The following STEEP1 variants were observed in gnomAD, a reference collection of about 807,000 sequenced individuals.
STEEP1 encodes STING1 ER exit protein 1.
A neutral mutation model predicts 19.2 loss-of-function variants in STEEP1; 3 were observed. That is an observed-to-expected ratio of 0.16 (90% CI 0.07 to 0.40). The LOEUF is 0.40. Among genes scored for constraint, STEEP1 ranks in the 10% least tolerant of loss-of-function variants. The pLI, the probability that STEEP1 is intolerant of heterozygous loss-of-function variation, is 0.99. For missense variants in STEEP1, 54 were observed against 177.1 expected (o/e 0.30, Z 3.94); for synonymous variants, 46 against 63.7 (o/e 0.72, Z 1.32).
chrX:119,555,805 G>A (rs1279151851), intron 2 of STEEP1, among the ~76,000 whole-genome samples: 1 of 111,214 alleles, frequency 9.0e-6, no homozygotes, highest in African/African-American at 3.3e-5. Flanking sequence ...TGCAGGGGAT[G>A]ATGGTGGGAT....
At chrX:119,564,235 G>A (rs1384748025) in intron 1 of STEEP1, among the ~76,000 whole-genome samples, 1 of 111,797 alleles carries the variant, frequency 8.9e-6, no homozygotes, top group Non-Finnish European at 1.9e-5. Context: ...GGTGGCTCAC[G>A]CCTGTAATCC....
intron 2 of STEEP1, among the ~76,000 whole-genome samples, chrX:119,548,532 C>CAAAAAAAAAAAAAAAAAA (rs59210283): frequency 2.1e-5 from 1 of 47,982 alleles, no homozygotes; most frequent in Non-Finnish European, 3.6e-5. Flanking sequence ...GACTCTGTCT[C>CAAAAAAAAAAAAAAAAAA]AAAAAAAAAA....
At chrX:119,561,009 C>A (rs373364761) in intron 1 of STEEP1, among the ~76,000 whole-genome samples, 603 of 80,331 alleles carry the variant, frequency 7.5e-3, no homozygotes, top group Non-Finnish European at 7.9e-3. Flanking sequence ...CTCTGTTTTA[C>A]AAAAAAAAAA....
At chrX:119,559,723 C>T (rs1036413879) in intron 2 of STEEP1, among the ~76,000 whole-genome samples, 2 of 112,078 alleles carry the variant, frequency 1.8e-5, no homozygotes, top group African/African-American at 6.5e-5. Context: ...TCATTCAAAC[C>T]TGTAAATTGT....
intron 1 of STEEP1, among the ~76,000 whole-genome samples, chrX:119,563,668 C>CCACAG (rs1436133401): frequency 1.8e-5 from 2 of 111,538 alleles, no homozygotes; most frequent in African/African-American, 6.5e-5. Context: ...TGAGACCGCG[C>CCACAG]CACAGCACTC....
In STEEP1 at chrX:119,561,165, G is replaced by A. The variant is rs757672967; in HGVS notation, c.125-780C>T. Among the ~76,000 whole-genome samples the A allele has an allele frequency of 5.4e-5, 6 of 110,274 alleles. No individual in the cohort carries two copies. The East Asian group carries it at 1.7e-3, about 31-fold the overall frequency. On this transcript the variant is annotated intron_variant, in intron 1 of 6. Coordinates refer to ENST00000644802, the MANE Select transcript of STEEP1 (RefSeq NM_022101.4). ...GAGGCGAGAGAATTGCTTGAACCCA[G>A]GAGGTGGAGGTTGCAGTGAGCCAAT... is the stretch of plus-strand genomic sequence containing the variant.
chrX:119,545,803 G>T (rs1226191249), intron 2 of STEEP1, among the ~76,000 whole-genome samples: 1 of 106,955 alleles, frequency 9.3e-6, no homozygotes, highest in Non-Finnish European at 1.9e-5. Context: ...TGAGGCAGGA[G>T]AATTGCTTGA....
At chrX:119,557,320 G>C (rs746507463) in intron 2 of STEEP1, among the ~76,000 whole-genome samples, 2 of 107,370 alleles carry the variant, frequency 1.9e-5, no homozygotes, top group African/African-American at 6.8e-5. Context: ...CATTCTGGCC[G>C]GGCACAGTGG....
intron 1 of STEEP1, among the ~76,000 whole-genome samples, chrX:119,561,616 C>A (rs1200075717): frequency 9.1e-6 from 1 of 109,729 alleles, no homozygotes; most frequent in Non-Finnish European, 1.9e-5. Flanking sequence ...TTGCAGTGAG[C>A]TGGGATCACA....
intron 2 of STEEP1, among the ~76,000 whole-genome samples, chrX:119,558,917 G>A (rs1052643794): frequency 1.1e-4 from 12 of 110,633 alleles, no homozygotes; most frequent in African/African-American, 3.9e-4. Context: ...TCACACCCCT[G>A]CTTAAAAAAC....
chrX:119,539,520 G>A lies in STEEP1; in HGVS notation c.*207C>T. On this transcript the variant is annotated 3_prime_UTR_variant, in exon 7 of 7. Coordinates refer to ENST00000644802, the MANE Select transcript of STEEP1 (RefSeq NM_022101.4). Reference sequence around the variant, plus strand: ...CACTCCATCCTGGGCGAAAGAGCAAGACTTTATCTCAAAAAAAAAAAAAAA... The same window carrying A: ...CACTCCATCCTGGGCGAAAGAGCAAAACTTTATCTCAAAAAAAAAAAAAAA... The A allele has an allele frequency of 3.2e-6, 1 of 315,516 alleles. No homozygotes were observed. Among genetic ancestry groups the A allele is most frequent in the Non-Finnish European group, 5.3e-6 (1 of 189,648 alleles). 26.0% of individuals were successfully genotyped at this position (315,516 alleles called of 1,213,427 possible). A position where few individuals can be genotyped will look rare whatever the true frequency, so the allele number is the denominator to read the frequency against.
chrX:119,543,541 G>A lies in STEEP1; in HGVS notation c.423+812C>T, dbSNP rs745398221. 1.0e-4 allele frequency among the ~76,000 whole-genome samples: 11 copies of A among 110,426 alleles called. No homozygotes were observed. The South Asian group carries it at 4.2e-3, about 43-fold the overall frequency. Reference sequence around the variant, plus strand: ...ACTGTCACCCAGGCTGGAGTGCAGTGGCACAATCATAGCTGACTGTAACCT... The same window carrying A: ...ACTGTCACCCAGGCTGGAGTGCAGTAGCACAATCATAGCTGACTGTAACCT... On this transcript the variant is annotated intron_variant, in intron 4 of 6. Transcript: ENST00000644802.
chrX:119,547,473 G>T (rs985668426), intron 2 of STEEP1, among the ~76,000 whole-genome samples: 2 of 112,103 alleles, frequency 1.8e-5, no homozygotes, highest in African/African-American at 6.5e-5. Context: ...TGTGAAAAAT[G>T]GAATCTTTTA....
At position 119,562,899 on chromosome X, in the gene STEEP1, GAAGT is replaced by G. The variant is rs2053330232; in HGVS notation, c.124+2329_124+2332del. ...ATTACATTTTAGCAGAGACCTGAAT[GAAGT>G]AAGGGAGGGATTGAGGGAAAAGTTT... On this transcript the variant is annotated intron_variant, in intron 1 of 6. Coordinates refer to ENST00000644802, the MANE Select transcript of STEEP1 (RefSeq NM_022101.4). Among the ~76,000 whole-genome samples the G allele has an allele frequency of 2.7e-5, 3 of 111,587 alleles. No homozygotes were observed. The Middle Eastern group carries it at 0.014, about 517-fold the overall frequency.
intron 5 of STEEP1, among the ~76,000 whole-genome samples, chrX:119,542,055 C>CTTTTTTTTTTTTTTTTTTTTTT (rs201339708): frequency 2.4e-5 from 2 of 82,926 alleles, no homozygotes; most frequent in Non-Finnish European, 4.6e-5. Flanking sequence ...CTTTTCTTTT[C>CTTTTTTTTTTTTTTTTTTTTTT]TTTTTTTTTT....
At position 119,561,144 on chromosome X, in the gene STEEP1, C is replaced by T. The variant is rs777948122; in HGVS notation, c.125-759G>A. 7.9e-4 allele frequency among the ~76,000 whole-genome samples: 86 copies of T among 108,300 alleles called. 1 individual carries two copies. Among genetic ancestry groups the T allele is most frequent in the African/African-American group, 2.6e-3 (76 of 29,625 alleles). 94.0% of individuals were successfully genotyped at this position (108,300 alleles called of 115,157 possible). A position where few individuals can be genotyped will look rare whatever the true frequency, so the allele number is the denominator to read the frequency against. On this transcript the variant is annotated intron_variant, in intron 1 of 6. Coordinates refer to ENST00000644802, the MANE Select transcript of STEEP1 (RefSeq NM_022101.4). ...GGCCCAGCTACTTGGGAGGCTGAGG[C>T]GAGAGAATTGCTTGAACCCAGGAGG...
At chrX:119,548,170 T>TCAAA (rs199610154) in intron 2 of STEEP1, among the ~76,000 whole-genome samples, 12 of 107,200 alleles carry the variant, frequency 1.1e-4, no homozygotes, top group South Asian at 4.1e-4. Context: ...AGACCCTGTC[T>TCAAA]CAAACAAACA....
At chrX:119,548,532 C>CAAAA (rs59210283) in intron 2 of STEEP1, among the ~76,000 whole-genome samples, 2 of 47,978 alleles carry the variant, frequency 4.2e-5, no homozygotes, top group African/African-American at 8.8e-5. Flanking sequence ...GACTCTGTCT[C>CAAAA]AAAAAAAAAA....
chrX:119,548,756 T>A (rs1211714480), intron 2 of STEEP1, among the ~76,000 whole-genome samples: 1 of 111,195 alleles, frequency 9.0e-6, no homozygotes, highest in Non-Finnish European at 1.9e-5. Flanking sequence ...AAGAGATATG[T>A]GCACTCTCAT....
Sources: allele counts gnomAD v4.1 joint callset (sites outside exome capture counted in the v4.1 genomes callset), GRCh38; gene constraint gnomAD v4.1.1; transcripts MANE v1.5; gene names NCBI Gene and HGNC (gene_info 2026-07-23, HGNC 2026-07-21).